GDPD5: variants seen among roughly 807,000 people sequenced by gnomAD.
GDPD5 encodes the protein glycerophosphodiester phosphodiesterase domain containing 5.
A neutral mutation model predicts 75.1 loss-of-function variants in GDPD5; 48 were observed. The observed-to-expected ratio is 0.64, with a 90% confidence interval of 0.51 to 0.81. The LOEUF is 0.81. Among genes scored for constraint, GDPD5 ranks in the 40% least tolerant of loss-of-function variants. The pLI is 0.00. For synonymous variants in GDPD5, 336 were observed against 339.0 expected, an observed-to-expected ratio of 0.99 and a Z score of 0.10; for missense variants, 706 against 822.6, an observed-to-expected ratio of 0.86 and a Z score of 1.73.
intron 2 of GDPD5, chr11:75,485,354 C>A (rs1489087099): frequency 6.6e-6 from 1 of 152,084 alleles, no homozygotes; most frequent in Non-Finnish European, 1.5e-5. Flanking sequence ...AATATTAGTT[C>A]ATCAGTTGTA....
chr11:75,456,803 CAT>C lies in GDPD5; in HGVS notation c.327_328del (p.Cys110SerfsTer152), dbSNP rs1949294663. The C allele has an allele frequency of 1.4e-5, 23 of 1,614,254 alleles. No homozygotes were observed. The highest frequency in any genetic ancestry group is 1.9e-5 in the Non-Finnish European group (23 of 1,180,026). Reference sequence around the variant, plus strand: ...CATCTGCTGCCCCACGGCAATGTGACATAGTGCCAGGACCTGAGGAGGGACCC... The same window carrying C: ...CATCTGCTGCCCCACGGCAATGTGACAGTGCCAGGACCTGAGGAGGGACCC... On this transcript the variant is annotated frameshift_variant, in exon 6 of 17. Transcript: ENST00000336898. LOFTEE classifies it high-confidence loss of function.
At chr11:75,469,100 G>C (rs913563247) in intron 3 of GDPD5, among the ~76,000 whole-genome samples, 1 of 152,218 alleles carries the variant, frequency 6.6e-6, no homozygotes, top group Admixed American at 6.5e-5. Flanking sequence ...CTCTCCAGCT[G>C]CTGAGGACAG....
intron 4 of GDPD5, among the ~76,000 whole-genome samples, chr11:75,460,899 C>A (rs536530504): frequency 6.6e-6 from 1 of 151,886 alleles, no homozygotes; most frequent in Non-Finnish European, 1.5e-5. Flanking sequence ...CCCAACAGGG[C>A]GGGAACCCAT....
intron 1 of GDPD5, among the ~76,000 whole-genome samples, chr11:75,501,737 G>T (rs887187133): frequency 6.6e-6 from 1 of 152,270 alleles, no homozygotes; most frequent in Admixed American, 6.5e-5. Context: ...CCACAGACAG[G>T]GCTGGGGGCA....
chr11:75,524,427 G>A (rs920306935), intron 1 of GDPD5, among the ~76,000 whole-genome samples: 2 of 152,216 alleles, frequency 1.3e-5, no homozygotes, highest in African/African-American at 4.8e-5. Flanking sequence ...GTTTTCTCAA[G>A]TCTACTTGTG....
chr11:75,500,725 T>C (rs1199950065), intron 1 of GDPD5, among the ~76,000 whole-genome samples: 1 of 152,064 alleles, frequency 6.6e-6, no homozygotes, highest in African/African-American at 2.4e-5. Context: ...GAACTCCTCT[T>C]CCTTTCCACG....
intron 1 of GDPD5, among the ~76,000 whole-genome samples, chr11:75,509,362 G>A (rs894993451): frequency 6.6e-6 from 1 of 152,174 alleles, no homozygotes; most frequent in Non-Finnish European, 1.5e-5. Flanking sequence ...CTGTGTGTGC[G>A]ACTTGTACAT....
chr11:75,490,110 G>T (rs1425672255), intron 2 of GDPD5, 127 bp downstream of exon 2: 1 of 152,126 alleles, frequency 6.6e-6, no homozygotes, highest in Non-Finnish European at 1.5e-5. Context: ...AAAATGGGAC[G>T]ATAATCCCAT....
At chr11:75,507,030 G>T (rs1208333047) in intron 1 of GDPD5, 1 of 152,342 alleles carries the variant, frequency 6.6e-6, no homozygotes, top group Non-Finnish European at 1.5e-5. Flanking sequence ...CGGCACTGAG[G>T]TCAGCAACAC....
At chr11:75,454,708 C>T (rs903570814) in intron 6 of GDPD5, among the ~76,000 whole-genome samples, 14 of 152,092 alleles carry the variant, frequency 9.2e-5, no homozygotes, top group Non-Finnish European at 1.9e-4. Context: ...GTGGAGTAGG[C>T]GACTGTTTGT....
Position 75,489,463 on chromosome 11 carries a change from C to T in GDPD5, c.-61+774G>A, listed in dbSNP as rs565408229. Among the ~76,000 whole-genome samples the T allele has an allele frequency of 7.9e-5, 12 of 152,330 alleles. No individual in the cohort carries two copies. In the South Asian group the frequency reaches 1.0e-3, roughly 13 times the overall value. ...GTGACCAATGAAAACCGAGCTTGCT[C>T]GAATGCTGAGGAAGAAAGTCCCAGG... On this transcript the variant is annotated intron_variant, in intron 2 of 16. Coordinates refer to ENST00000336898, the MANE Select transcript of GDPD5 (RefSeq NM_030792.8).
At chr11:75,517,689 A>C (rs544781513) in intron 1 of GDPD5, among the ~76,000 whole-genome samples, 3 of 152,158 alleles carry the variant, frequency 2.0e-5, no homozygotes, top group Admixed American at 6.5e-5. Flanking sequence ...ACTACCTTGA[A>C]ATAATTTTAG....
intron 1 of GDPD5, among the ~76,000 whole-genome samples, chr11:75,496,683 ACT>A (rs1950214212): frequency 6.7e-6 from 1 of 150,298 alleles, no homozygotes; most frequent in African/African-American, 2.5e-5. Context: ...GGCTGGACAT[ACT>A]CTCTGTACGA....
intron 1 of GDPD5, among the ~76,000 whole-genome samples, chr11:75,491,292 C>T (rs1262222885): frequency 6.6e-6 from 1 of 152,218 alleles, no homozygotes; most frequent in South Asian, 2.1e-4. Context: ...CCTGAATGTA[C>T]AGCACTTTAC....
chr11:75,459,090 C>T (rs755828491), intron 4 of GDPD5, among the ~76,000 whole-genome samples: 3 of 152,152 alleles, frequency 2.0e-5, no homozygotes, highest in Non-Finnish European at 4.4e-5. Flanking sequence ...CTTCTCAACA[C>T]AAGCATTTAC....
At chr11:75,518,333 G>T (rs943216664) in intron 1 of GDPD5, among the ~76,000 whole-genome samples, 1 of 152,228 alleles carries the variant, frequency 6.6e-6, no homozygotes, top group Non-Finnish European at 1.5e-5. Flanking sequence ...AAGGTCCTGG[G>T]GGGAGGAAGC....
chr11:75,448,216 T>C (rs1949038428), intron 9 of GDPD5, among the ~76,000 whole-genome samples: 1 of 152,300 alleles, frequency 6.6e-6, no homozygotes, highest in Middle Eastern at 3.4e-3. Context: ...TTCAAGGCTT[T>C]CATGGAGCAG....
intron 1 of GDPD5, among the ~76,000 whole-genome samples, chr11:75,491,538 C>G (rs1041227319): frequency 2.0e-5 from 3 of 152,154 alleles, no homozygotes; most frequent in Non-Finnish European, 4.4e-5. Context: ...TGATAAGCTC[C>G]CAGGTGATGC....
At chr11:75,511,477 T>C (rs1950517858) in intron 1 of GDPD5, among the ~76,000 whole-genome samples, 1 of 152,200 alleles carries the variant, frequency 6.6e-6, no homozygotes, top group African/African-American at 2.4e-5. Context: ...TGAGAAGGCC[T>C]GTTTGGATTT....
Sources: gnomAD v4.1 joint callset for allele counts (sites outside exome capture counted in the v4.1 genomes callset) on GRCh38, gnomAD v4.1.1 for gene constraint, MANE v1.5 for transcripts, NCBI Gene and HGNC (gene_info 2026-07-23, HGNC 2026-07-21) for gene names.